The following CSMD1 variants were observed in gnomAD, a reference collection of about 807,000 sequenced individuals.
CSMD1 encodes CUB and Sushi multiple domains 1.
CSMD1 carries 213 observed loss-of-function variants against 417.5 expected under a neutral mutation model. The ratio of observed to expected loss-of-function variants is 0.51; its 90% CI spans 0.46 to 0.57. CSMD1 has a LOEUF of 0.57. CSMD1 is among the 20% of genes least tolerant of loss of function. The pLI is 0.00. For synonymous variants in CSMD1, 2,862 were observed against 1,736.8 expected (o/e 1.65, Z -16.11); for missense variants, 6,923 against 4,529.7 (o/e 1.53, Z -15.17).
intron 5 of CSMD1, among the ~76,000 whole-genome samples, chr8:3,928,138 T>C (rs768803173): frequency 7.2e-5 from 11 of 152,328 alleles, no homozygotes; most frequent in South Asian, 2.1e-4. Flanking sequence ...ATAGATTTAA[T>C]TGCCTGTTGG....
chr8:3,210,762 T>C (rs949970286), intron 30 of CSMD1, among the ~76,000 whole-genome samples: 15 of 151,352 alleles, frequency 9.9e-5, no homozygotes, highest in Non-Finnish European at 2.1e-4. Context: ...ATTTTTCCTA[T>C]GGCTAATACT....
At chr8:4,645,595 G>C (rs183530655) in intron 1 of CSMD1, among the ~76,000 whole-genome samples, 1 of 152,090 alleles carries the variant, frequency 6.6e-6, no homozygotes, top group East Asian at 1.9e-4. Context: ...GCGGGATGAC[G>C]AGGCTGCCCA....
At chr8:3,713,074 A>C (rs946091019) in intron 6 of CSMD1, among the ~76,000 whole-genome samples, 6 of 152,236 alleles carry the variant, frequency 3.9e-5, no homozygotes, top group Non-Finnish European at 7.3e-5. Context: ...CTTGAAATAA[A>C]TATGACGAAT....
chr8:4,218,108 G>T (rs879661383), intron 3 of CSMD1, among the ~76,000 whole-genome samples: 1 of 152,142 alleles, frequency 6.6e-6, no homozygotes, highest in African/African-American at 2.4e-5. Context: ...ATCGGACATT[G>T]GCGATGACCT....
intron 5 of CSMD1, among the ~76,000 whole-genome samples, chr8:3,758,768 A>T (rs1797819583): frequency 6.6e-6 from 1 of 152,214 alleles, no homozygotes. Context: ...GGAGACTGTC[A>T]ATGTGTCACC....
At chr8:4,571,517 T>C (rs1462973131) in intron 2 of CSMD1, among the ~76,000 whole-genome samples, 3 of 152,204 alleles carry the variant, frequency 2.0e-5, no homozygotes, top group Non-Finnish European at 4.4e-5. Flanking sequence ...CTGTTTGTTA[T>C]GATTTATGTT....
At chr8:4,151,923 G>C (rs1796590891) in intron 3 of CSMD1, among the ~76,000 whole-genome samples, 1 of 152,134 alleles carries the variant, frequency 6.6e-6, no homozygotes, top group Non-Finnish European at 1.5e-5. Context: ...TATCAGCAGA[G>C]ATAAGTTTTG....
At chr8:4,522,231 T>C (rs1803495617) in intron 2 of CSMD1, among the ~76,000 whole-genome samples, 1 of 152,116 alleles carries the variant, frequency 6.6e-6, no homozygotes, top group African/African-American at 2.4e-5. Flanking sequence ...GCACAAATTC[T>C]CTCTCTTTGC....
At chr8:4,049,397 G>A (rs528581507) in intron 3 of CSMD1, among the ~76,000 whole-genome samples, 43 of 151,436 alleles carry the variant, frequency 2.8e-4, no homozygotes, top group Non-Finnish European at 4.3e-4. Context: ...ATTGCCAAAC[G>A]TCATCTGCGG....
chr8:4,794,934 G>C (rs1034079414), intron 1 of CSMD1, among the ~76,000 whole-genome samples: 2 of 151,954 alleles, frequency 1.3e-5, no homozygotes, highest in Non-Finnish European at 1.5e-5. Flanking sequence ...ACGCTGGGAA[G>C]GGAGTCCTAC....
At chr8:4,844,343 C>A (rs1014841034) in intron 1 of CSMD1, among the ~76,000 whole-genome samples, 1 of 151,904 alleles carries the variant, frequency 6.6e-6, no homozygotes, top group Non-Finnish European at 1.5e-5. Context: ...GTTTTTTTTG[C>A]AGAAAAGATC....
chr8:4,912,957 T>C (rs1048956526), intron 1 of CSMD1, among the ~76,000 whole-genome samples: 2 of 152,044 alleles, frequency 1.3e-5, no homozygotes, highest in East Asian at 1.9e-4. Context: ...AGCTAATTTG[T>C]TTTGTATTTT....
At chr8:3,478,457 A>T (rs1011857271) in intron 11 of CSMD1, among the ~76,000 whole-genome samples, 1 of 152,204 alleles carries the variant, frequency 6.6e-6, no homozygotes, top group Non-Finnish European at 1.5e-5. Flanking sequence ...TGTGTAAAAC[A>T]CAAATATCAG....
chr8:4,397,490 G>A (rs1480028260), intron 3 of CSMD1, among the ~76,000 whole-genome samples: 3 of 142,930 alleles, frequency 2.1e-5, no homozygotes, highest in East Asian at 2.1e-4. Flanking sequence ...AAACTTCTGT[G>A]TGCCCATGAG....
chr8:4,644,519 G>A (rs897470048), intron 1 of CSMD1, among the ~76,000 whole-genome samples: 17 of 152,050 alleles, frequency 1.1e-4, no homozygotes, highest in African/African-American at 3.9e-4. Flanking sequence ...TGATCCTCCC[G>A]CCTCAACCTC....
chr8:4,613,646 C>G (rs1052842621), intron 2 of CSMD1, among the ~76,000 whole-genome samples: 3 of 152,038 alleles, frequency 2.0e-5, no homozygotes, highest in East Asian at 1.9e-4. Flanking sequence ...GCCTGACAAC[C>G]CTTAATGAAT....
chr8:3,393,447 TTTC>T (rs1402013013), intron 17 of CSMD1, among the ~76,000 whole-genome samples: 1 of 152,186 alleles, frequency 6.6e-6, no homozygotes, highest in Non-Finnish European at 1.5e-5. Flanking sequence ...TGGTGACAGT[TTTC>T]TTCTTCTTTT....
At chr8:4,219,942 T>A (rs2254696) in intron 3 of CSMD1, among the ~76,000 whole-genome samples, 151,717 of 152,258 alleles carry the variant, frequency 1, 75,591 homozygotes, top group Middle Eastern at 1. Flanking sequence ...GATAATTTTT[T>A]AAAAATTTTT....
rs1005498129 is a variant in CSMD1 at position 4,986,245 on chromosome 8, G to A, written c.85+8087C>T. 4.6e-5 allele frequency among the ~76,000 whole-genome samples: 7 copies of A among 152,252 alleles called. No individual in the cohort carries two copies. The East Asian group carries it at 7.7e-4, about 17-fold the overall frequency. On this transcript the variant is annotated intron_variant, in intron 1 of 69. Coordinates refer to ENST00000635120, the MANE Select transcript of CSMD1 (RefSeq NM_033225.6). Reference sequence around the variant, plus strand: ...AGAGCGCCGCCAGGAAAGATTTTAGGAACCACAGTTATGTCACTAACTATC... The same window carrying A: ...AGAGCGCCGCCAGGAAAGATTTTAGAAACCACAGTTATGTCACTAACTATC...
Sources: allele counts gnomAD v4.1 joint callset (sites outside exome capture counted in the v4.1 genomes callset), GRCh38; gene constraint gnomAD v4.1.1; transcripts MANE v1.5; gene names NCBI Gene and HGNC (gene_info 2026-07-23, HGNC 2026-07-21).